Variants in FGF5 observed in about 807,000 individuals in gnomAD.
FGF5 encodes the protein fibroblast growth factor 5.
FGF5 carries 23 observed loss-of-function variants against 21.8 expected under a neutral mutation model. The observed-to-expected ratio is 1.05, with a 90% CI of 0.76 to 1.49. The LOEUF is 1.49. Ranked by LOEUF, FGF5 falls within the 40% of genes most tolerant of loss-of-function variation. FGF5 has a pLI of 0.00. For synonymous variants in FGF5, 158 were observed against 124.0 expected (o/e 1.27, Z -1.82); for missense variants, 352 against 332.9 (o/e 1.06, Z -0.45).
rs781680571 is a variant in FGF5 at position 80,286,779 on chromosome 4, C to T, written c.*107C>T. On this transcript the variant is annotated 3_prime_UTR_variant, in exon 3 of 3. Coordinates refer to ENST00000312465, the MANE Select transcript of FGF5 (RefSeq NM_004464.4). Reference sequence around the variant, plus strand: ...CTGGACACAGCTTCAGCTATACTTACACTGTATTGAAGTCACGTCATTTGT... The same window carrying T: ...CTGGACACAGCTTCAGCTATACTTATACTGTATTGAAGTCACGTCATTTGT... 8.7e-6 allele frequency: 7 copies of T among 801,696 alleles called. No individual in the cohort carries two copies. The highest frequency in any genetic ancestry group is 1.4e-5 in the Non-Finnish European group (7 of 506,626). The allele number at this position is 801,696 out of a possible 1,614,324, so 49.7% of individuals were successfully genotyped here.
In FGF5 at chr4:80,266,883, C is replaced by G; in HGVS notation, c.59C>G (p.Ala20Gly). ...FFSHLILSAW[A>G]HGEKRLAPKG... ...AGCCACCTGATCCTCAGCGCCTGGG[C>G]TCACGGGGAGAAGCGTCTCGCCCCC... Residue 20 changes from alanine to glycine, a missense_variant, in exon 1 of 3, where the codon GCT becomes GGT. Physicochemically the swap from Ala to Gly is moderately conservative, Grantham distance 60. Coordinates refer to ENST00000312465, the MANE Select transcript of FGF5 (RefSeq NM_004464.4). 6.2e-7 allele frequency: 1 copy of G among 1,612,750 alleles called. No individual in the cohort carries two copies. Among genetic ancestry groups the G allele is most frequent in the South Asian group, 1.1e-5 (1 of 90,842 alleles).
chr4:80,271,655 C>A (rs1000650333), intron 1 of FGF5, among the ~76,000 whole-genome samples: 1 of 152,136 alleles, frequency 6.6e-6, no homozygotes, highest in Non-Finnish European at 1.5e-5. Flanking sequence ...AGAAGGCAGT[C>A]AAATTTAGCA....
rs1720743253 is a variant in FGF5, at chr4:80,286,756, G to C, written c.*84G>C. The C allele has an allele frequency of 2.0e-6, 2 of 985,204 alleles. No homozygotes were observed. Among genetic ancestry groups the C allele is most frequent in the Non-Finnish European group, 3.0e-6 (2 of 656,400 alleles). 61.0% of individuals were successfully genotyped at this position (985,204 alleles called of 1,614,324 possible). On this transcript the variant is annotated 3_prime_UTR_variant, in exon 3 of 3. Transcript: ENST00000312465. Reference sequence around the variant, plus strand: ...TTCAGAGTTCTGAAGAAAAATTACTGGACACAGCTTCAGCTATACTTACAC... The same window carrying C: ...TTCAGAGTTCTGAAGAAAAATTACTCGACACAGCTTCAGCTATACTTACAC...
rs765328075 is a variant in FGF5 at position 80,267,060 on chromosome 4, T to G, written c.236T>G (p.Phe79Cys). Residue 79 changes from phenylalanine (F) to cysteine (C), a missense_variant, in exon 1 of 3, where the codon TTC (phenylalanine) becomes TGC (cysteine). Transcript: ENST00000312465. ...GGAAGTGGCTTGGAGCAGAGCAGTT[T>G]CCAGTGGAGCCCCTCGGGGCGCCGG... is the stretch of plus-strand genomic sequence containing the variant. ...SQGSGLEQSS[F>C]QWSPSGRRTG... 1.1e-4 allele frequency: 178 copies of G among 1,614,116 alleles called. No individual in the cohort carries two copies. The highest frequency in any genetic ancestry group is 6.5e-4 in the Admixed American group (39 of 60,016).
intron 1 of FGF5, among the ~76,000 whole-genome samples, chr4:80,267,733 GTAGATAGATAGA>G (rs3839148): frequency 1.3e-5 from 2 of 150,952 alleles, no homozygotes; most frequent in Admixed American, 1.3e-4. Context: ...ATACACATAG[GTAGATAGATAGA>G]TAGATAGATA....
chr4:80,269,460 G>A (rs1357932044), intron 1 of FGF5, among the ~76,000 whole-genome samples: 1 of 152,026 alleles, frequency 6.6e-6, no homozygotes, highest in African/African-American at 2.4e-5. Context: ...GCAAAGGGGG[G>A]AAAATAAGAG....
Position 80,286,633 on chromosome 4 carries a change from C to T in FGF5, c.768C>T (p.Thr256=). The T allele has an allele frequency of 1.2e-6, 2 of 1,613,948 alleles. No homozygotes were observed. Among genetic ancestry groups the T allele is most frequent in the East Asian group, 4.5e-5 (2 of 44,878 alleles). ...KIPLSAPRKN[T]NSVKYRLKFR... ...CCCTTTCTGCACCTCGGAAAAATAC[C>T]AACTCAGTGAAATACAGACTCAAGT... Residue 256 remains threonine, a synonymous_variant, in exon 3 of 3, where the codon ACC becomes ACT. Coordinates refer to ENST00000312465, the MANE Select transcript of FGF5 (RefSeq NM_004464.4).
chr4:80,286,589 C>T lies in FGF5; in HGVS notation c.724C>T (p.Pro242Ser), dbSNP rs1266099323. The T allele has an allele frequency of 1.2e-6, 2 of 1,614,056 alleles. No individual in the cohort carries two copies. Among genetic ancestry groups the T allele is most frequent in the Non-Finnish European group, 1.7e-6 (2 of 1,179,992 alleles). ...TVPEKKKPPSPIKPKIPLSAP... is the reference protein window; with the variant it reads ...TVPEKKKPPSSIKPKIPLSAP... ...TCCTGAAAAGAAAAAGCCACCTAGC[C>T]CTATCAAGCCAAAGATTCCCCTTTC... Residue 242 changes from proline (P) to serine (S), a missense_variant, in exon 3 of 3, where the codon CCT becomes TCT. Transcript: ENST00000312465.
Position 80,286,714 on chromosome 4 carries a change from G to A in FGF5, c.*42G>A. 6.6e-7 allele frequency: 1 copy of A among 1,517,122 alleles called. No homozygotes were observed. Among genetic ancestry groups the A allele is most frequent in the Non-Finnish European group, 9.1e-7 (1 of 1,101,380 alleles). 94.0% of individuals were successfully genotyped at this position (1,517,122 alleles called of 1,614,324 possible). On this transcript the variant is annotated 3_prime_UTR_variant, in exon 3 of 3. Transcript: ENST00000312465. ...GTGAGAAACCATTCTTTCCCCTCAG[G>A]AGTTTCTATAGGTGTCTTCAGAGTT...
Position 80,290,431 on chromosome 4 carries a change from T to A in FGF5, c.*3759T>A, listed in dbSNP as rs929850273. ...CAGAGACAAAGAGTTACCTCCTCCA[T>A]CTTACTCTGCCCTATTTGAAAGTCT... On this transcript the variant is annotated 3_prime_UTR_variant, in exon 3 of 3. Transcript: ENST00000312465. The A allele has an allele frequency of 2.6e-5, 4 of 152,140 alleles. No individual in the cohort carries two copies. The highest frequency in any genetic ancestry group is 4.4e-5 in the Non-Finnish European group (3 of 68,030). The allele number at this position is 152,140 out of a possible 1,614,324, so 9.4% of individuals were successfully genotyped here.
In FGF5 at chr4:80,288,997, T is replaced by A. The variant is rs1001463427; in HGVS notation, c.*2325T>A. On this transcript the variant is annotated 3_prime_UTR_variant, in exon 3 of 3. Coordinates refer to ENST00000312465, the MANE Select transcript of FGF5 (RefSeq NM_004464.4). ...TGTCTTTACTGGCCATACAAAATGA[T>A]TTTTTTTTTTTTTTTGAGACAGAGT... 19 of 111,218 alleles carry A rather than the reference T, an allele frequency of 1.7e-4. No individual in the cohort carries two copies. Among genetic ancestry groups the A allele is most frequent in the Admixed American group, 1.5e-3 (19 of 12,376 alleles). The allele number at this position is 111,218 out of a possible 1,614,324, so 6.9% of individuals were successfully genotyped here. A position where few individuals can be genotyped will look rare whatever the true frequency, so the allele number is the denominator to read the frequency against.
intron 2 of FGF5, among the ~76,000 whole-genome samples, chr4:80,282,050 C>A (rs1720567159): frequency 6.6e-6 from 1 of 152,092 alleles, no homozygotes; most frequent in Non-Finnish European, 1.5e-5. Flanking sequence ...GCAACCTCCG[C>A]CCCCTGGGTT....
intron 2 of FGF5, among the ~76,000 whole-genome samples, chr4:80,277,413 C>A (rs1335501769): frequency 6.6e-6 from 1 of 152,070 alleles, no homozygotes; most frequent in African/African-American, 2.4e-5. Flanking sequence ...CTTATCTGAG[C>A]ATTTATTAGC....
intron 1 of FGF5, chr4:80,268,576 G>A (rs1720170420): frequency 1.0e-6 from 1 of 968,024 alleles, no homozygotes; most frequent in African/African-American, 1.8e-5. Context: ...TGGGTAAGGC[G>A]GTAGGCTGGC....
intron 2 of FGF5, among the ~76,000 whole-genome samples, chr4:80,278,602 G>C (rs1720477730): frequency 6.6e-6 from 1 of 152,184 alleles, no homozygotes; most frequent in Non-Finnish European, 1.5e-5. Flanking sequence ...AAATATGGCA[G>C]ACTGAAAGGG....
intron 1 of FGF5, among the ~76,000 whole-genome samples, chr4:80,269,902 A>G (rs1261408823): frequency 2.0e-5 from 3 of 152,042 alleles, no homozygotes; most frequent in Admixed American, 2.0e-4. Context: ...ACTACCTTTG[A>G]TCAATGCAGA....
At position 80,277,154 on chromosome 4, in the gene FGF5, GGAT is replaced by G. The variant is rs140297339; in HGVS notation, c.459+2144_459+2146del. Among the ~76,000 whole-genome samples, 711 of 152,218 alleles carry G rather than the reference GGAT, an allele frequency of 4.7e-3. 5 individuals are homozygous for G. Among genetic ancestry groups the G allele is most frequent in the African/African-American group, 0.015 (631 of 41,554 alleles). On this transcript the variant is annotated intron_variant, in intron 2 of 2. Transcript: ENST00000312465. ...CTAGAAATTTGACCCAAATGTCTAA[GGAT>G]GGCTGGTTGAAATAATGCAGATAAT...
At chr4:80,284,188 C>T (rs1191863157) in intron 2 of FGF5, among the ~76,000 whole-genome samples, 2 of 152,150 alleles carry the variant, frequency 1.3e-5, no homozygotes, top group Non-Finnish European at 2.9e-5. Flanking sequence ...AATCCCAGCA[C>T]TTTGGGAGGC....
At chr4:80,277,985 A>C (rs888960194) in intron 2 of FGF5, among the ~76,000 whole-genome samples, 1 of 152,136 alleles carries the variant, frequency 6.6e-6, no homozygotes, top group African/African-American at 2.4e-5. Context: ...TGAGGTGACG[A>C]AAGAGTCTCA....
Sources: gnomAD v4.1 joint callset for allele counts (sites outside exome capture counted in the v4.1 genomes callset) on GRCh38, gnomAD v4.1.1 for gene constraint, MANE v1.5 for transcripts, NCBI Gene and HGNC (gene_info 2026-07-23, HGNC 2026-07-21) for gene names.